PAPPA2: variants seen among roughly 807,000 people sequenced by gnomAD.
The protein encoded by PAPPA2 is pappalysin 2.
PAPPA2 carries 86 observed loss-of-function variants against 176.4 expected under a neutral mutation model. The observed-to-expected ratio is 0.49, with a 90% CI of 0.41 to 0.58. The LOEUF (loss-of-function observed/expected upper bound fraction) is 0.58. Among genes scored for constraint, PAPPA2 ranks in the 20% least tolerant of loss-of-function variants. The probability of loss-of-function intolerance (pLI) is 0.00; values close to 1 mark genes in which losing one functional copy is unlikely to be tolerated. For synonymous variants in PAPPA2, 809 were observed against 852.2 expected, an observed-to-expected ratio of 0.95 and a Z score of 0.88; for missense variants, 2,073 against 2,256.9, an observed-to-expected ratio of 0.92 and a Z score of 1.65.
chr1:176,693,543 A>G (rs913643737), intron 6 of PAPPA2, among the ~76,000 whole-genome samples: 27 of 152,256 alleles, frequency 1.8e-4, no homozygotes, highest in Admixed American at 3.9e-4. Flanking sequence ...CGTGCCCTTC[A>G]GCTTTGCTGA....
At chr1:176,819,791 G>A (rs572593884) in intron 21 of PAPPA2, among the ~76,000 whole-genome samples, 44 of 152,282 alleles carry the variant, frequency 2.9e-4, no homozygotes, top group East Asian at 1.2e-3. Context: ...AAGCTGCAGC[G>A]TGATCTGATA....
chr1:176,808,460 A>C (rs1470738667), intron 21 of PAPPA2, among the ~76,000 whole-genome samples: 1 of 152,216 alleles, frequency 6.6e-6, no homozygotes, highest in African/African-American at 2.4e-5. Flanking sequence ...GAATAGAATA[A>C]AGTTCAGAAA....
chr1:176,570,557 T>G (rs183142222), intron 2 of PAPPA2, among the ~76,000 whole-genome samples: 54 of 152,178 alleles, frequency 3.5e-4, no homozygotes, highest in African/African-American at 1.3e-3. Flanking sequence ...AATAGAATAT[T>G]CTTATAATCC....
At chr1:176,596,449 A>G (rs957640488) in intron 3 of PAPPA2, among the ~76,000 whole-genome samples, 1 of 152,092 alleles carries the variant, frequency 6.6e-6, no homozygotes, top group Admixed American at 6.5e-5. Context: ...TAATATTCCC[A>G]TGGTGGGCTC....
intron 15 of PAPPA2, among the ~76,000 whole-genome samples, chr1:176,767,440 C>T (rs1007402828): frequency 1.1e-4 from 17 of 152,280 alleles, no homozygotes; most frequent in South Asian, 2.1e-4. Flanking sequence ...CTCCACCTCC[C>T]GGGTTCAAGC....
intron 1 of PAPPA2, among the ~76,000 whole-genome samples, chr1:176,498,910 G>A (rs1342916598): frequency 1.3e-5 from 2 of 152,054 alleles, no homozygotes; most frequent in African/African-American, 2.4e-5. Flanking sequence ...CCACATTTTG[G>A]TTATTTCAGC....
chr1:176,477,542 C>T (rs962396262), intron 1 of PAPPA2, among the ~76,000 whole-genome samples: 2 of 152,128 alleles, frequency 1.3e-5, no homozygotes, highest in Admixed American at 6.5e-5. Context: ...GTCAGGAGAT[C>T]GAGATCATCC....
At chr1:176,705,781 G>A (rs1660855286) in intron 9 of PAPPA2, among the ~76,000 whole-genome samples, 2 of 152,198 alleles carry the variant, frequency 1.3e-5, no homozygotes, top group African/African-American at 4.8e-5. Flanking sequence ...GGTGGTAGTA[G>A]GGAGTAAAGA....
intron 3 of PAPPA2, among the ~76,000 whole-genome samples, chr1:176,606,211 A>G (rs892846892): frequency 1.3e-5 from 2 of 152,166 alleles, no homozygotes; most frequent in East Asian, 1.9e-4. Flanking sequence ...AGATAGTCAA[A>G]TACCTATCAT....
At chr1:176,581,872 TG>T (rs983780483) in intron 2 of PAPPA2, among the ~76,000 whole-genome samples, 18 of 151,290 alleles carry the variant, frequency 1.2e-4, no homozygotes, top group African/African-American at 3.6e-4. Flanking sequence ...GTTTATTTTT[TG>T]GGGGGGTGGA....
intron 3 of PAPPA2, among the ~76,000 whole-genome samples, chr1:176,634,092 G>C (rs1052023171): frequency 6.6e-6 from 1 of 152,058 alleles, no homozygotes; most frequent in East Asian, 1.9e-4. Flanking sequence ...CCCATTACTG[G>C]GTATATACCC....
intron 1 of PAPPA2, among the ~76,000 whole-genome samples, chr1:176,486,782 C>G (rs796935931): frequency 1.4e-4 from 22 of 152,140 alleles, no homozygotes; most frequent in African/African-American, 4.8e-4. Flanking sequence ...TGTGGTTGGT[C>G]TTAAATGCGA....
chr1:176,708,757 A>G (rs940669970), intron 10 of PAPPA2, among the ~76,000 whole-genome samples: 3 of 152,158 alleles, frequency 2.0e-5, no homozygotes, highest in African/African-American at 7.2e-5. Context: ...AATAATTAAT[A>G]ACTATATATT....
At chr1:176,754,929 T>C (rs1187740311) in intron 14 of PAPPA2, among the ~76,000 whole-genome samples, 1 of 152,152 alleles carries the variant, frequency 6.6e-6, no homozygotes, top group African/African-American at 2.4e-5. Context: ...GAGATTGAAG[T>C]GGCAGCAAAC....
intron 1 of PAPPA2, chr1:176,553,610 G>A (rs1459689190): frequency 6.6e-6 from 1 of 151,924 alleles, no homozygotes; most frequent in Non-Finnish European, 1.5e-5. Context: ...CCTTATGAAT[G>A]GATTACTAGA....
At chr1:176,802,857 GTGCTGCTTA>G (rs1279130498) in intron 21 of PAPPA2, among the ~76,000 whole-genome samples, 1 of 152,108 alleles carries the variant, frequency 6.6e-6, no homozygotes, top group Non-Finnish European at 1.5e-5. Context: ...CCACTATTCT[GTGCTGCTTA>G]TGTTTTCTGA....
chr1:176,541,488 A>G (rs1558425207), intron 1 of PAPPA2, among the ~76,000 whole-genome samples: 1 of 152,184 alleles, frequency 6.6e-6, no homozygotes, highest in Non-Finnish European at 1.5e-5. Context: ...GCTAAGATCA[A>G]AATAATTGGA....
intron 1 of PAPPA2, among the ~76,000 whole-genome samples, chr1:176,486,940 A>T (rs560546769): frequency 6.2e-5 from 9 of 144,274 alleles, no homozygotes; most frequent in African/African-American, 1.8e-4. Context: ...GGGTGGATTT[A>T]AAAAAAAAAA....
At chr1:176,741,478 G>A (rs895594291) in intron 14 of PAPPA2, among the ~76,000 whole-genome samples, 3 of 152,182 alleles carry the variant, frequency 2.0e-5, no homozygotes, top group African/African-American at 7.2e-5. Context: ...CGGTGAACAC[G>A]TGAGAGACTA....
Sources: gnomAD v4.1 joint callset for allele counts (sites outside exome capture counted in the v4.1 genomes callset) on GRCh38, gnomAD v4.1.1 for gene constraint, MANE v1.5 for transcripts, NCBI Gene and HGNC (gene_info 2026-07-23, HGNC 2026-07-21) for gene names.